The following LHFPL3 variants were observed in gnomAD, a reference collection of about 807,000 sequenced individuals.
The protein encoded by LHFPL3 is LHFPL tetraspan subfamily member 3 protein.
A neutral mutation model predicts 19.3 loss-of-function variants in LHFPL3; 5 were observed. The observed-to-expected ratio is 0.26, with a 90% confidence interval of 0.14 to 0.54. The LOEUF is 0.54. LHFPL3 is among the 20% of genes least tolerant of loss of function. The pLI, the probability that LHFPL3 is intolerant of heterozygous loss-of-function variation, is 0.94. For missense variants in LHFPL3, 249 were observed against 307.4 expected (o/e 0.81, Z 1.42); for synonymous variants, 133 against 126.2 (o/e 1.05, Z -0.36).
chr7:104,594,006 T>A (rs188498547), intron 1 of LHFPL3, among the ~76,000 whole-genome samples: 1 of 152,324 alleles, frequency 6.6e-6, no homozygotes, highest in East Asian at 1.9e-4. Flanking sequence ...CCACTGTGTA[T>A]CTTTTAATTG....
At chr7:104,780,341 T>C (rs1186752113) in intron 2 of LHFPL3, among the ~76,000 whole-genome samples, 1 of 152,180 alleles carries the variant, frequency 6.6e-6, no homozygotes, top group East Asian at 1.9e-4. Context: ...CATATCCCCG[T>C]AAGTCCTCAC....
chr7:104,351,549 T>C lies in LHFPL3; in HGVS notation c.445+22325T>C, dbSNP rs1790174775. ...GAAGTCACTATATGTAAAACGAGGC[T>C]GATAAAATTATTTTCAGGAGAAAAT... On this transcript the variant is annotated intron_variant, in intron 1 of 2. Coordinates refer to ENST00000424859, the MANE Select transcript of LHFPL3 (RefSeq NM_199000.3). 2.6e-5 allele frequency among the ~76,000 whole-genome samples: 4 copies of C among 152,190 alleles called. No individual in the cohort carries two copies. The South Asian group carries it at 8.3e-4, about 31-fold the overall frequency.
intron 2 of LHFPL3, among the ~76,000 whole-genome samples, chr7:104,839,986 AATT>A (rs1272054679): frequency 6.6e-6 from 1 of 151,916 alleles, no homozygotes; most frequent in African/African-American, 2.4e-5. Context: ...TTGACTGGAT[AATT>A]AATATTATTA....
chr7:104,719,609 T>C (rs1793449664), intron 1 of LHFPL3, among the ~76,000 whole-genome samples: 1 of 152,196 alleles, frequency 6.6e-6, no homozygotes, highest in Non-Finnish European at 1.5e-5. Flanking sequence ...GAAATATTTA[T>C]ACATATAAAA....
At chr7:104,824,460 T>C (rs1790766625) in intron 2 of LHFPL3, among the ~76,000 whole-genome samples, 1 of 55,050 alleles carries the variant, frequency 1.8e-5, no homozygotes, top group Non-Finnish European at 3.0e-5. Context: ...AATTATATAA[T>C]TTTATATATA....
chr7:104,346,979 C>T (rs1431524860), intron 1 of LHFPL3, among the ~76,000 whole-genome samples: 2 of 149,926 alleles, frequency 1.3e-5, no homozygotes, highest in Non-Finnish European at 3.0e-5. Context: ...GTGGTGGATA[C>T]TTCTTTTACA....
chr7:104,417,850 T>G, intron 1 of LHFPL3, among the ~76,000 whole-genome samples: 1 of 150,878 alleles, frequency 6.6e-6, no homozygotes, highest in Middle Eastern at 3.4e-3. Context: ...TCGTATTTTC[T>G]TTTCTAATTC....
At chr7:104,743,200 A>G (rs1793969778) in intron 2 of LHFPL3, among the ~76,000 whole-genome samples, 1 of 152,084 alleles carries the variant, frequency 6.6e-6, no homozygotes, top group Non-Finnish European at 1.5e-5. Flanking sequence ...TCAGATGTGT[A>G]CCCACCCACG....
rs571245465 is a variant in LHFPL3, at chr7:104,735,854, ACTTT to A, written c.446-816_446-813del. Among the ~76,000 whole-genome samples, 269 of 152,262 alleles carry A rather than the reference ACTTT, an allele frequency of 1.8e-3. 2 individuals carry two copies. Among genetic ancestry groups the A allele is most frequent in the African/African-American group, 6.0e-3 (249 of 41,560 alleles). On this transcript the variant is annotated intron_variant, in intron 1 of 2. Transcript: ENST00000424859. ...TCAGCCATTTTGGAACCGCCATAAC[ACTTT>A]CTTTATCAGTTCATCCATTGATAGA...
chr7:104,353,649 A>G (rs978697126), intron 1 of LHFPL3, among the ~76,000 whole-genome samples: 4 of 152,244 alleles, frequency 2.6e-5, no homozygotes, highest in Non-Finnish European at 5.9e-5. Context: ...TATGAGCATT[A>G]GTGCCTAATA....
At position 104,714,122 on chromosome 7, in the gene LHFPL3, G is replaced by A. The variant is rs111227971; in HGVS notation, c.446-22553G>A. Among the ~76,000 whole-genome samples, 380 of 152,306 alleles carry A rather than the reference G, an allele frequency of 2.5e-3. 2 individuals are homozygous for A. Among genetic ancestry groups the A allele is most frequent in the African/African-American group, 8.8e-3 (364 of 41,578 alleles). On this transcript the variant is annotated intron_variant, in intron 1 of 2. Coordinates refer to ENST00000424859, the MANE Select transcript of LHFPL3 (RefSeq NM_199000.3). ...TTAGCTACTGCTGTTAGAACTTGAA[G>A]TTGAAAGATGTGTAAAAAATGTTTT...
intron 1 of LHFPL3, among the ~76,000 whole-genome samples, chr7:104,716,959 T>C (rs567569062): frequency 6.6e-6 from 1 of 152,286 alleles, no homozygotes; most frequent in Admixed American, 6.5e-5. Context: ...AGTACCATAC[T>C]GACATAAAGA....
At chr7:104,472,975 G>A (rs1171128138) in intron 1 of LHFPL3, among the ~76,000 whole-genome samples, 2 of 152,080 alleles carry the variant, frequency 1.3e-5, no homozygotes, top group South Asian at 2.1e-4. Context: ...GACCCTCTGG[G>A]AGACCAATAA....
intron 2 of LHFPL3, among the ~76,000 whole-genome samples, chr7:104,801,269 GC>G (rs1386804609): frequency 6.6e-6 from 1 of 152,104 alleles, no homozygotes; most frequent in African/African-American, 2.4e-5. Flanking sequence ...CTAGCACAAA[GC>G]CCCCAGGCCC....
intron 2 of LHFPL3, chr7:104,757,567 A>T (rs1208182277): frequency 6.6e-6 from 1 of 152,216 alleles, no homozygotes; most frequent in East Asian, 1.9e-4. Flanking sequence ...TCTCAAAAGA[A>T]GACATACAAG....
chr7:104,569,475 T>A (rs987838905), intron 1 of LHFPL3, among the ~76,000 whole-genome samples: 1 of 152,108 alleles, frequency 6.6e-6, no homozygotes, highest in Non-Finnish European at 1.5e-5. Context: ...CTCTCTTATT[T>A]GGGGGGAGGG....
intron 1 of LHFPL3, among the ~76,000 whole-genome samples, chr7:104,414,710 G>A (rs746417452): frequency 2.0e-5 from 3 of 152,168 alleles, no homozygotes; most frequent in South Asian, 2.1e-4. Flanking sequence ...ATTGACCTTC[G>A]CAGCTAAGCG....
At chr7:104,415,589 C>T (rs1791605714) in intron 1 of LHFPL3, among the ~76,000 whole-genome samples, 1 of 152,120 alleles carries the variant, frequency 6.6e-6, no homozygotes, top group East Asian at 1.9e-4. Context: ...ACAATACTTT[C>T]CTAATATTAC....
intron 1 of LHFPL3, among the ~76,000 whole-genome samples, chr7:104,527,072 A>G (rs1165002231): frequency 6.6e-6 from 1 of 152,206 alleles, no homozygotes; most frequent in Non-Finnish European, 1.5e-5. Flanking sequence ...TGAGAGCCAC[A>G]CAGAGGTCTG....
Sources: gnomAD v4.1 joint callset for allele counts (sites outside exome capture counted in the v4.1 genomes callset) on GRCh38, gnomAD v4.1.1 for gene constraint, MANE v1.5 for transcripts, NCBI Gene and HGNC (gene_info 2026-07-23, HGNC 2026-07-21) for gene names.